Variants in MALRD1 observed in about 807,000 individuals in gnomAD.
MALRD1 encodes MAM and LDL-receptor class A domain-containing protein 1.
MALRD1 carries 247 observed loss-of-function variants against 242.1 expected under a neutral mutation model. The ratio of observed to expected loss-of-function variants is 1.02; its 90% confidence interval spans 0.92 to 1.13. The LOEUF is 1.13. MALRD1 is among the 50% of genes most tolerant of loss of function. The pLI is 0.00. For synonymous variants in MALRD1, 995 were observed against 866.6 expected, an observed-to-expected ratio of 1.15 and a Z score of -2.60; for missense variants, 2,989 against 2,533.1, an observed-to-expected ratio of 1.18 and a Z score of -3.86.
In MALRD1 at chr10:19,155,120, A is replaced by G; in HGVS notation, c.1604A>G (p.Lys535Arg). ...GCACAGCGCTCCCCCGGGGTGGCCA[A>G]GCTTGGAAGTCCTGTTCTTACAAAA... ...LEAQRSPGVAKLGSPVLTKLL... is the reference protein window; with the variant it reads ...LEAQRSPGVARLGSPVLTKLL... Residue 535 changes from lysine (K) to arginine (R), a missense_variant, in exon 12 of 40, where the codon AAG (lysine) becomes AGG (arginine). Transcript: ENST00000454679. 1 of 1,231,582 alleles carries G rather than the reference A, an allele frequency of 8.1e-7. No individual in the cohort carries two copies. Among genetic ancestry groups the G allele is most frequent in the South Asian group, 4.1e-5 (1 of 24,306 alleles). 76.3% of individuals were successfully genotyped at this position (1,231,582 alleles called of 1,614,324 possible). A position where few individuals can be genotyped will look rare whatever the true frequency, so the allele number is the denominator to read the frequency against.
At chr10:19,243,754 T>A (rs1471978685) in intron 18 of MALRD1, among the ~76,000 whole-genome samples, 2 of 152,156 alleles carry the variant, frequency 1.3e-5, no homozygotes, top group Non-Finnish European at 2.9e-5. Flanking sequence ...TTTTTCTTGG[T>A]CACCTAGATT....
At chr10:19,381,306 T>C (rs1301869482) in intron 26 of MALRD1, among the ~76,000 whole-genome samples, 2 of 151,448 alleles carry the variant, frequency 1.3e-5, no homozygotes, top group Non-Finnish European at 2.9e-5. Flanking sequence ...ATCCAGTCTA[T>C]CATTGTTGGA....
intron 31 of MALRD1, among the ~76,000 whole-genome samples, chr10:19,518,196 G>C (rs1833723694): frequency 1.3e-5 from 2 of 152,176 alleles, no homozygotes; most frequent in Admixed American, 6.5e-5. Flanking sequence ...TTTTATTATA[G>C]TTTGTGTACA....
intron 33 of MALRD1, among the ~76,000 whole-genome samples, chr10:19,576,571 T>C (rs1836837133): frequency 1.3e-5 from 2 of 152,190 alleles, no homozygotes; most frequent in African/African-American, 4.8e-5. Flanking sequence ...AGTGGTTAAT[T>C]GCCTACTAAA....
chr10:19,234,738 A>T (rs1448851082), intron 18 of MALRD1, among the ~76,000 whole-genome samples: 1 of 152,192 alleles, frequency 6.6e-6, no homozygotes, highest in African/African-American at 2.4e-5. Flanking sequence ...TGGAGATATT[A>T]ACACAAATAG....
chr10:19,174,633 T>C (rs1469498109), intron 13 of MALRD1, among the ~76,000 whole-genome samples: 1 of 152,044 alleles, frequency 6.6e-6, no homozygotes, highest in East Asian at 1.9e-4. Context: ...TCAGTCATTA[T>C]TCAGCGTTAG....
intron 28 of MALRD1, among the ~76,000 whole-genome samples, chr10:19,438,286 T>C (rs1028085222): frequency 6.6e-6 from 1 of 152,138 alleles, no homozygotes; most frequent in Admixed American, 6.6e-5. Flanking sequence ...TATAAAAATG[T>C]CCTCAAAGTA....
chr10:19,711,112 A>G (rs1834090898), intron 38 of MALRD1: 1 of 152,186 alleles, frequency 6.6e-6, no homozygotes, highest in African/African-American at 2.4e-5. Context: ...TTTTTGTTTA[A>G]TAATTGCTTT....
intron 21 of MALRD1, among the ~76,000 whole-genome samples, chr10:19,297,176 G>A (rs1289532820): frequency 6.6e-6 from 1 of 150,968 alleles, no homozygotes; most frequent in African/African-American, 2.4e-5. Context: ...AATAAGATGA[G>A]TTTTAAGTAA....
At chr10:19,346,142 C>T (rs1192711968) in intron 24 of MALRD1, among the ~76,000 whole-genome samples, 1 of 152,028 alleles carries the variant, frequency 6.6e-6, no homozygotes. Flanking sequence ...GTTTATTTTG[C>T]ACCTTGAGAT....
chr10:19,530,673 C>T (rs61643718), intron 31 of MALRD1, among the ~76,000 whole-genome samples: 6,191 of 151,290 alleles, frequency 0.041, 415 homozygotes, highest in African/African-American at 0.14. Context: ...AAATCTTTCA[C>T]ATACTAATGC....
rs546068878 is a variant in MALRD1 at position 19,530,454 on chromosome 10, TATATAATAATA to T, written c.5321-738_5321-728del. On this transcript the variant is annotated intron_variant, in intron 31 of 39. Transcript: ENST00000454679. ...AATATATATAATATATAATATATAA[TATATAATAATA>T]AATAATTATATAATATTTATATAAA... 1.9e-4 allele frequency among the ~76,000 whole-genome samples: 10 copies of T among 53,404 alleles called. 2 individuals are homozygous for T. The highest frequency in any genetic ancestry group is 2.5e-4 in the Non-Finnish European group (4 of 16,104). 35.0% of individuals were successfully genotyped at this position (53,404 alleles called of 152,430 possible).
chr10:19,434,234 G>T (rs544418308), intron 28 of MALRD1, among the ~76,000 whole-genome samples: 1 of 152,046 alleles, frequency 6.6e-6, no homozygotes, highest in Non-Finnish European at 1.5e-5. Flanking sequence ...TGTTTAAAAC[G>T]ATTTTATAAA....
chr10:19,511,966 C>T (rs1482045152), intron 31 of MALRD1, among the ~76,000 whole-genome samples: 1 of 151,962 alleles, frequency 6.6e-6, no homozygotes, highest in Non-Finnish European at 1.5e-5. Flanking sequence ...TCTCCTTGGT[C>T]AGTTTTGCCT....
chr10:19,204,282 T>G (rs962222910), intron 15 of MALRD1, 26 bp from the exon 16 acceptor site: 13 of 312,192 alleles, frequency 4.2e-5, no homozygotes, highest in South Asian at 1.5e-4. Context: ...TAATGAAGCG[T>G]TTTTTTTTTT....
At position 19,254,939 on chromosome 10, in the gene MALRD1, T is replaced by C. The variant is rs571774503; in HGVS notation, c.2992-2745T>C. Among the ~76,000 whole-genome samples, 6 of 152,136 alleles carry C rather than the reference T, an allele frequency of 3.9e-5. No homozygotes were observed. In the South Asian group the frequency reaches 1.2e-3, roughly 32 times the overall value. On this transcript the variant is annotated intron_variant, in intron 18 of 39. Coordinates refer to ENST00000454679, the MANE Select transcript of MALRD1 (RefSeq NM_001142308.3). ...AACATGTGTTTGTATGTGAGGACAA[T>C]CGTTTTTATATCATTTAAAATTTTG...
At chr10:19,429,426 T>TGTGCACA (rs1406674079) in intron 28 of MALRD1, among the ~76,000 whole-genome samples, 1 of 152,092 alleles carries the variant, frequency 6.6e-6, no homozygotes, top group Non-Finnish European at 1.5e-5. Flanking sequence ...GAGCCGGGCG[T>TGTGCACA]GGTGGTGCAC....
At chr10:19,380,913 CT>C (rs71387072) in intron 26 of MALRD1, among the ~76,000 whole-genome samples, 129,786 of 149,016 alleles carry the variant, frequency 0.87, 56,684 homozygotes, top group African/African-American at 0.92. Flanking sequence ...AATTTCTTTT[CT>C]TTTTTTTTTT....
intron 38 of MALRD1, 69 bp downstream of exon 38, chr10:19,692,623 G>A: frequency 7.9e-7 from 1 of 1,269,250 alleles, no homozygotes. Flanking sequence ...CATTTCCTTT[G>A]CTATTTTTTT....
Sources: allele counts gnomAD v4.1 joint callset (sites outside exome capture counted in the v4.1 genomes callset), GRCh38; gene constraint gnomAD v4.1.1; transcripts MANE v1.5; gene names NCBI Gene and HGNC (gene_info 2026-07-23, HGNC 2026-07-21).